Variants in GBP7 observed in about 807,000 individuals in gnomAD.
The protein encoded by GBP7 is guanylate-binding protein 7.
Under a neutral mutation model 61.3 loss-of-function variants are expected in GBP7, and 43 were observed. The ratio of observed to expected loss-of-function variants is 0.70; its 90% CI spans 0.55 to 0.91. GBP7 has a LOEUF of 0.91. Among genes scored for constraint, GBP7 ranks in the 40% least tolerant of loss-of-function variants. The pLI is 0.00. For missense variants in GBP7, 717 were observed against 740.5 expected, an observed-to-expected ratio of 0.97 and a Z score of 0.37; for synonymous variants, 267 against 271.0, an observed-to-expected ratio of 0.99 and a Z score of 0.14.
At chr1:89,148,014 C>G (rs1190640043) in intron 7 of GBP7, among the ~76,000 whole-genome samples, 1 of 152,170 alleles carries the variant, frequency 6.6e-6, no homozygotes, top group Admixed American at 6.5e-5. Flanking sequence ...AGTGATCTAA[C>G]TATAAACAAC....
At chr1:89,159,085 A>G (rs1031326933) in intron 3 of GBP7, among the ~76,000 whole-genome samples, 1 of 152,220 alleles carries the variant, frequency 6.6e-6, no homozygotes, top group African/African-American at 2.4e-5. Flanking sequence ...GATCTTTGAC[A>G]AACCTGACAA....
intron 8 of GBP7, among the ~76,000 whole-genome samples, chr1:89,146,282 A>T (rs1407360389): frequency 6.6e-6 from 1 of 152,214 alleles, no homozygotes; most frequent in Non-Finnish European, 1.5e-5. Flanking sequence ...GTCAACTAAA[A>T]ATTGGTTAAA....
intron 3 of GBP7, among the ~76,000 whole-genome samples, chr1:89,155,369 A>T (rs1440551439): frequency 6.6e-6 from 1 of 152,232 alleles, no homozygotes; most frequent in African/African-American, 2.4e-5. Context: ...ACAAGTTGAG[A>T]GAAGAAGGCT....
intron 3 of GBP7, among the ~76,000 whole-genome samples, chr1:89,163,951 C>A (rs530717609): frequency 6.6e-6 from 1 of 151,812 alleles, no homozygotes; most frequent in Non-Finnish European, 1.5e-5. Context: ...TTCAGTGCAA[C>A]CTCCACTTCC....
intron 3 of GBP7, among the ~76,000 whole-genome samples, chr1:89,158,025 G>T (rs1038023478): frequency 2.0e-5 from 3 of 152,128 alleles, no homozygotes; most frequent in Admixed American, 6.5e-5. Flanking sequence ...GATCAAGTTG[G>T]CTTCATCCCT....
chr1:89,166,022 T>C (rs1488134402), intron 2 of GBP7, among the ~76,000 whole-genome samples: 1 of 152,204 alleles, frequency 6.6e-6, no homozygotes, highest in African/African-American at 2.4e-5. Flanking sequence ...TGAATCTCCT[T>C]GTGCCTTAAT....
chr1:89,147,789 A>G lies in GBP7; in HGVS notation c.1153-10T>C, dbSNP rs1206572011. Reference sequence around the variant, plus strand: ...TTTTCTCCATGGTGTCCTGCCAGAAAAGTGTAGGGAAAAACAGTAGAAAGA... The same window carrying G: ...TTTTCTCCATGGTGTCCTGCCAGAAGAGTGTAGGGAAAAACAGTAGAAAGA... On this transcript the variant is annotated splice_polypyrimidine_tract_variant and intron_variant, in intron 7 of 10. Coordinates refer to ENST00000294671, the MANE Select transcript of GBP7 (RefSeq NM_207398.3). 1.2e-6 allele frequency: 2 copies of G among 1,613,468 alleles called. No individual in the cohort carries two copies. The highest frequency in any genetic ancestry group is 1.3e-5 in the African/African-American group (1 of 75,034).
At chr1:89,151,786 T>A (rs1487789770) in intron 5 of GBP7, among the ~76,000 whole-genome samples, 1 of 152,132 alleles carries the variant, frequency 6.6e-6, no homozygotes, top group Non-Finnish European at 1.5e-5. Context: ...ATGAATCTCC[T>A]TTTTCTCTAA....
At chr1:89,152,996 G>T (rs1053649765) in intron 3 of GBP7, among the ~76,000 whole-genome samples, 1 of 152,122 alleles carries the variant, frequency 6.6e-6, no homozygotes, top group Non-Finnish European at 1.5e-5. Context: ...ATCTCTATTT[G>T]CCCTAAAAAT....
chr1:89,167,165 A>G (rs1209621972), intron 2 of GBP7, among the ~76,000 whole-genome samples: 1 of 152,060 alleles, frequency 6.6e-6, no homozygotes, highest in Admixed American at 6.6e-5. Context: ...TCATCTTGGA[A>G]TGATCATCAG....
chr1:89,167,053 C>T (rs1348348552), intron 2 of GBP7, among the ~76,000 whole-genome samples: 1 of 152,156 alleles, frequency 6.6e-6, no homozygotes, highest in East Asian at 1.9e-4. Flanking sequence ...CATATGGTCC[C>T]CTGCTCATTC....
At position 89,152,345 on chromosome 1, in the gene GBP7, A is replaced by G. The variant is rs1378619712; in HGVS notation, c.548T>C (p.Phe183Ser). 9 of 1,614,094 alleles carry G rather than the reference A, an allele frequency of 5.6e-6. No homozygotes were observed. The highest frequency in any genetic ancestry group is 1.3e-5 in the African/African-American group (1 of 74,998). The change falls in exon 5 of 11, where the codon TTT becomes TCT. Residue 183 changes from phenylalanine to serine, a missense_variant. Physicochemically the swap from Phe to Ser is radical, Grantham distance 155 (BLOSUM62 -2). Around this residue, in one of 3 missense-constraint regions of GBP7, gnomAD observed 387 missense variants for 385.2 expected, o/e 1.00. Coordinates refer to ENST00000294671, the MANE Select transcript of GBP7 (RefSeq NM_207398.3). The part of the protein sequence containing the change: ...FPDFIWTVRD[F>S]TLELKLDGHP... ...TCCATCTAACTTCAGCTCCAGGGTA[A>G]AATCTCGAACAGTCCAAATAAAGTC...
At chr1:89,172,137 C>T (rs189912511) in intron 1 of GBP7, among the ~76,000 whole-genome samples, 183 bp from the exon 2 acceptor site, 7 of 152,260 alleles carry the variant, frequency 4.6e-5, no homozygotes, top group Admixed American at 4.6e-4. Flanking sequence ...AAAATAATTT[C>T]ATTTTGAAAT....
chr1:89,164,964 G>A (rs1047069466), intron 2 of GBP7, 106 bp from the exon 3 acceptor site: 9 of 1,124,686 alleles, frequency 8.0e-6, no homozygotes, highest in Non-Finnish European at 7.6e-6. Flanking sequence ...CAGGGGAAAC[G>A]GGTTGCTTCC....
At position 89,133,581 on chromosome 1, in the gene GBP7, ACT is replaced by A. The variant is rs1350086457; in HGVS notation, c.1469-132_1469-131del. ...ACCAGACCGTAAAGAAGACTGATAA[ACT>A]CCAAGCAGGACTTCAGAAGGAAGGC... On this transcript the variant is annotated intron_variant, in intron 9 of 10. Coordinates refer to ENST00000294671, the MANE Select transcript of GBP7 (RefSeq NM_207398.3). 5 of 704,858 alleles carry A rather than the reference ACT, an allele frequency of 7.1e-6. No homozygotes were observed. The Admixed American group carries it at 1.4e-4, about 19-fold the overall frequency. 43.7% of individuals were successfully genotyped at this position (704,858 alleles called of 1,614,324 possible). A position where few individuals can be genotyped will look rare whatever the true frequency, so the allele number is the denominator to read the frequency against.
chr1:89,159,882 A>C (rs1436526120), intron 3 of GBP7, among the ~76,000 whole-genome samples: 5 of 152,238 alleles, frequency 3.3e-5, no homozygotes, highest in African/African-American at 4.8e-5. Context: ...AAGGATTATA[A>C]ATCACGCTAC....
At chr1:89,137,643 A>G (rs1473604971) in intron 9 of GBP7, among the ~76,000 whole-genome samples, 2 of 152,138 alleles carry the variant, frequency 1.3e-5, no homozygotes, top group Non-Finnish European at 2.9e-5. Context: ...CCTCAAAGGA[A>G]CATACCTCAA....
Position 89,152,471 on chromosome 1 carries a change from T to A in GBP7, c.429-7A>T. 6.2e-7 allele frequency: 1 copy of A among 1,613,454 alleles called. No individual in the cohort carries two copies. ...TGTTAGCTCAGTCACGTAGCTGGGA[T>A]CTCAGCTAAGGAAGGATAGCACCCT... On this transcript the variant is annotated splice_region_variant and splice_polypyrimidine_tract_variant and intron_variant, in intron 4 of 10. Coordinates refer to ENST00000294671, the MANE Select transcript of GBP7 (RefSeq NM_207398.3).
chr1:89,166,663 A>T (rs1216241551), intron 2 of GBP7, among the ~76,000 whole-genome samples: 1 of 152,260 alleles, frequency 6.6e-6, no homozygotes, highest in Non-Finnish European at 1.5e-5. Flanking sequence ...TGAAGTCAGC[A>T]GACCATGAAG....
Sources: gnomAD v4.1 joint callset for allele counts (sites outside exome capture counted in the v4.1 genomes callset) on GRCh38, gnomAD v4.1.1 for gene constraint, gnomAD v4.1.1 regional missense constraint, MANE v1.5 for transcripts, NCBI Gene and HGNC (gene_info 2026-07-23, HGNC 2026-07-21) for gene names.